The following SP140L variants were observed in gnomAD, a reference collection of about 807,000 sequenced individuals.
The protein encoded by SP140L is SP140 like nuclear body protein.
Under a neutral mutation model 84.3 loss-of-function variants are expected in SP140L, and 64 were observed. The observed-to-expected ratio is 0.76, with a 90% CI of 0.62 to 0.94. The LOEUF is 0.94. Ranked by LOEUF, SP140L falls within the 40% of genes least tolerant of loss-of-function variation. The probability of loss-of-function intolerance (pLI) is 0.00; values close to 1 mark genes in which losing one functional copy is unlikely to be tolerated. For synonymous variants in SP140L, 242 were observed against 236.9 expected (o/e 1.02, Z -0.20); for missense variants, 628 against 692.5 (o/e 0.91, Z 1.05).
chr2:230,369,710 A>T (rs1030252439), intron 5 of SP140L, among the ~76,000 whole-genome samples: 1 of 152,150 alleles, frequency 6.6e-6, no homozygotes, highest in Admixed American at 6.5e-5. Context: ...GATATAAGTA[A>T]TCAATGGCCA....
intron 2 of SP140L, among the ~76,000 whole-genome samples, chr2:230,334,879 T>C (rs1384008201): frequency 6.6e-6 from 1 of 152,140 alleles, no homozygotes; most frequent in Non-Finnish European, 1.5e-5. Flanking sequence ...ATTTCTTCTA[T>C]TATTTTTAGT....
intron 7 of SP140L, among the ~76,000 whole-genome samples, chr2:230,373,846 G>A (rs2061162157): frequency 6.6e-6 from 1 of 152,176 alleles, no homozygotes; most frequent in Non-Finnish European, 1.5e-5. Flanking sequence ...CTTCTGGAAA[G>A]GATTCACCAT....
chr2:230,328,756 G>A lies in SP140L; in HGVS notation c.33-1G>A. The A allele has an allele frequency of 1.2e-6, 2 of 1,611,148 alleles. No individual in the cohort carries two copies. The highest frequency in any genetic ancestry group is 1.7e-6 in the Non-Finnish European group (2 of 1,178,574). On this transcript the variant is annotated splice_acceptor_variant, in intron 1 of 18. Coordinates refer to ENST00000415673, the MANE Select transcript of SP140L (RefSeq NM_138402.6). LOFTEE classifies it high-confidence loss of function. The stretch of plus-strand genomic sequence containing the variant: ...TAGATCCTGCCAAATTGTCTTTTTA[G>A]GGGGCTGAACGGAGGTGTTTCACAA...
intron 12 of SP140L, among the ~76,000 whole-genome samples, chr2:230,392,870 C>G (rs2061881849): frequency 6.6e-6 from 1 of 152,220 alleles, no homozygotes; most frequent in African/African-American, 2.4e-5. Context: ...AAATGTTACC[C>G]TCTTCCTTAA....
At chr2:230,341,988 G>A (rs1299986780) in intron 2 of SP140L, 3 of 153,810 alleles carry the variant, frequency 2.0e-5, no homozygotes, top group African/African-American at 7.2e-5. Flanking sequence ...TAGAGAGACA[G>A]GCAGGCCTCC....
At chr2:230,386,703 T>G (rs1167257405) in intron 9 of SP140L, among the ~76,000 whole-genome samples, 1 of 152,202 alleles carries the variant, frequency 6.6e-6, no homozygotes, top group Non-Finnish European at 1.5e-5. Context: ...TAGAGTAGAC[T>G]TCATGTTGTT....
At position 230,371,617 on chromosome 2, in the gene SP140L, C is replaced by G. The variant is rs775454974; in HGVS notation, c.603C>G (p.Asn201Lys). 3 of 1,606,388 alleles carry G rather than the reference C, an allele frequency of 1.9e-6. No homozygotes were observed. Among genetic ancestry groups the G allele is most frequent in the South Asian group, 1.1e-5 (1 of 90,508 alleles). ...CGKMDTVDIANNSTLGKPKRK... is the reference protein window; with the variant it reads ...CGKMDTVDIAKNSTLGKPKRK... Reference sequence around the variant, plus strand: ...TTCTAGATACTGTGGATATTGCAAACAACTCTACTTTGGGAAAACCCAAGA... The same window carrying G: ...TTCTAGATACTGTGGATATTGCAAAGAACTCTACTTTGGGAAAACCCAAGA... Residue 201 changes from asparagine (N) to lysine (K), a missense_variant, in exon 7 of 19, where the codon AAC becomes AAG. Physicochemically the swap from Asn to Lys is moderately conservative, Grantham distance 94. Around this residue, in one of 4 missense-constraint regions of SP140L, gnomAD observed 525 missense variants for 518.4 expected, o/e 1.01. Transcript: ENST00000415673.
intron 13 of SP140L, 78 bp from the exon 14 acceptor site, chr2:230,396,679 A>T (rs2062063300): frequency 2.0e-6 from 3 of 1,531,256 alleles, no homozygotes; most frequent in Non-Finnish European, 2.7e-6. Context: ...TTCAAAGATG[A>T]CTATTTAAAT....
chr2:230,359,180 T>C (rs2060639975), intron 4 of SP140L, 48 bp downstream of exon 4: 1 of 1,538,244 alleles, frequency 6.5e-7, no homozygotes, highest in Non-Finnish European at 8.9e-7. Context: ...CCAATTTTTT[T>C]CAATAAGCAT....
At position 230,403,068 on chromosome 2, in the gene SP140L, C is replaced by T; in HGVS notation, c.*172C>T. 2 of 561,076 alleles carry T rather than the reference C, an allele frequency of 3.6e-6. No homozygotes were observed. Among genetic ancestry groups the T allele is most frequent in the East Asian group, 6.3e-5 (2 of 31,502 alleles). The allele number at this position is 561,076 out of a possible 1,614,324, so 34.8% of individuals were successfully genotyped here. ...AATTTGATCATCATGAATCCCATCC[C>T]CAAGAATCTCATCAACCAGGGAAGA... On this transcript the variant is annotated 3_prime_UTR_variant, in exon 19 of 19. Transcript: ENST00000415673.
chr2:230,398,971 C>A (rs1204550290), intron 14 of SP140L, among the ~76,000 whole-genome samples: 1 of 152,172 alleles, frequency 6.6e-6, no homozygotes, highest in Non-Finnish European at 1.5e-5. Flanking sequence ...TGGTAGGAAA[C>A]CTTATCTGCA....
intron 5 of SP140L, among the ~76,000 whole-genome samples, chr2:230,367,913 A>G (rs1208736850): frequency 6.6e-6 from 1 of 152,166 alleles, no homozygotes; most frequent in Non-Finnish European, 1.5e-5. Flanking sequence ...GCCTGGCAAC[A>G]GAGAGAGAGA....
At chr2:230,389,840 C>G (rs2061728546) in intron 10 of SP140L, 79 bp from the exon 11 acceptor site, 1 of 1,361,226 alleles carries the variant, frequency 7.3e-7, no homozygotes, top group South Asian at 1.2e-5. Context: ...CTCTTTGTGC[C>G]TTTATAGGAT....
intron 9 of SP140L, among the ~76,000 whole-genome samples, chr2:230,387,708 C>T (rs555260326): frequency 1.3e-5 from 2 of 152,226 alleles, no homozygotes; most frequent in Non-Finnish European, 2.9e-5. Context: ...CACATTTGAA[C>T]ATTAGTAAAC....
At chr2:230,400,272 T>A (rs1295848834) in intron 15 of SP140L, 30 bp downstream of exon 15, 2 of 1,607,626 alleles carry the variant, frequency 1.2e-6, no homozygotes, top group Non-Finnish European at 1.7e-6. Context: ...CTCTCTTTCA[T>A]CCTTTAAGGG....
chr2:230,328,178 T>A (rs2059632639), intron 1 of SP140L, among the ~76,000 whole-genome samples: 1 of 152,204 alleles, frequency 6.6e-6, no homozygotes, highest in Non-Finnish European at 1.5e-5. Flanking sequence ...ATCTTTTAAA[T>A]TTTTTAATAC....
intron 13 of SP140L, among the ~76,000 whole-genome samples, chr2:230,393,839 A>AT (rs904922599): frequency 2.6e-5 from 4 of 152,098 alleles, no homozygotes; most frequent in African/African-American, 9.7e-5. Flanking sequence ...TCAAAATCAG[A>AT]TTTTTTTCAT....
At chr2:230,380,363 A>G (rs535762104) in intron 7 of SP140L, among the ~76,000 whole-genome samples, 252 of 152,234 alleles carry the variant, frequency 1.7e-3, no homozygotes, top group Non-Finnish European at 3.1e-3. Flanking sequence ...CAGACAAACC[A>G]TGTCACTATC....
At chr2:230,328,116 G>A (rs2059631493) in intron 1 of SP140L, among the ~76,000 whole-genome samples, 1 of 152,108 alleles carries the variant, frequency 6.6e-6, no homozygotes, top group South Asian at 2.1e-4. Context: ...GGAGTGCAGT[G>A]GCACAATCCC....
Sources: allele counts gnomAD v4.1 joint callset (sites outside exome capture counted in the v4.1 genomes callset), GRCh38; gene constraint gnomAD v4.1.1; regional missense constraint gnomAD v4.1.1; transcripts MANE v1.5; gene names NCBI Gene and HGNC (gene_info 2026-07-23, HGNC 2026-07-21).